The following DLC1 variants were observed in gnomAD, a reference collection of about 807,000 sequenced individuals.
DLC1 encodes rho GTPase-activating protein 7.
A neutral mutation model predicts 140.3 loss-of-function variants in DLC1; 54 were observed. The ratio of observed to expected loss-of-function variants is 0.38; its 90% CI spans 0.31 to 0.48. The LOEUF is 0.48. Ranked by LOEUF, DLC1 falls within the 20% of genes least tolerant of loss-of-function variation. The pLI is 0.96. For missense variants in DLC1, 2,536 were observed against 1,907.0 expected (o/e 1.33, Z -6.14); for synonymous variants, 986 against 728.1 (o/e 1.35, Z -5.70).
intron 4 of DLC1, among the ~76,000 whole-genome samples, chr8:13,370,901 C>T (rs1334670864): frequency 6.6e-6 from 1 of 152,160 alleles, no homozygotes; most frequent in Admixed American, 6.5e-5. Context: ...CACCACAACA[C>T]AGCCACACAG....
chr8:13,266,672 A>C (rs1212650), intron 5 of DLC1, among the ~76,000 whole-genome samples: 1 of 151,948 alleles, frequency 6.6e-6, no homozygotes, highest in Non-Finnish European at 1.5e-5. Flanking sequence ...TTGAATCTGG[A>C]AGGCAGAAGT....
chr8:13,192,843 A>G (rs539576453), intron 5 of DLC1, among the ~76,000 whole-genome samples: 5 of 152,314 alleles, frequency 3.3e-5, no homozygotes, highest in Admixed American at 3.3e-4. Flanking sequence ...CAAGCAAAGG[A>G]GAGAGGCCTC....
At chr8:13,182,421 C>T (rs1398212372) in intron 5 of DLC1, among the ~76,000 whole-genome samples, 1 of 152,042 alleles carries the variant, frequency 6.6e-6, no homozygotes, top group African/African-American at 2.4e-5. Flanking sequence ...ATGGTATTGC[C>T]TAGGTTTTCA....
At chr8:13,492,602 G>A (rs936300973) in intron 2 of DLC1, among the ~76,000 whole-genome samples, 1 of 151,492 alleles carries the variant, frequency 6.6e-6, no homozygotes, top group Admixed American at 6.6e-5. Flanking sequence ...AGCCCTGCTT[G>A]GAATCTCCAG....
chr8:13,159,419 A>G (rs558328698), intron 5 of DLC1, among the ~76,000 whole-genome samples: 1 of 152,308 alleles, frequency 6.6e-6, no homozygotes, highest in African/African-American at 2.4e-5. Context: ...AAGGATCGGG[A>G]GACAGCTGCG....
At chr8:13,191,803 T>TA (rs1437323605) in intron 5 of DLC1, among the ~76,000 whole-genome samples, 2 of 152,154 alleles carry the variant, frequency 1.3e-5, no homozygotes, top group Non-Finnish European at 2.9e-5. Context: ...TCTCAGTTTC[T>TA]TCATCTGTGA....
Position 13,100,026 on chromosome 8 carries a change from G to T in DLC1, c.2311C>A (p.Arg771=). The T allele has an allele frequency of 1.9e-6, 3 of 1,612,782 alleles. No homozygotes were observed. The highest frequency in any genetic ancestry group is 2.5e-6 in the Non-Finnish European group (3 of 1,180,038). Residue 771 remains arginine, a synonymous_variant, in exon 9 of 18, where the codon CGG becomes AGG. Coordinates refer to ENST00000276297, the MANE Select transcript of DLC1 (RefSeq NM_182643.3). ...RTRSLSACNK[R]VGMYLEGFDP... is the part of the protein sequence containing the mutation. ...AAGCCCTCTAAGTACATGCCCACCCGCTTGTTGCACGCACTGAGGCTCCGG... is the reference window on the plus strand; with the variant it reads ...AAGCCCTCTAAGTACATGCCCACCCTCTTGTTGCACGCACTGAGGCTCCGG...
chr8:13,416,136 A>C (rs1015140132), intron 2 of DLC1, among the ~76,000 whole-genome samples: 31 of 152,192 alleles, frequency 2.0e-4, no homozygotes, highest in African/African-American at 7.2e-4. Context: ...GCTGGCGTCT[A>C]GGGGTCCCAT....
intron 2 of DLC1, among the ~76,000 whole-genome samples, chr8:13,497,282 A>G (rs1222684285): frequency 6.6e-6 from 1 of 152,226 alleles, no homozygotes; most frequent in Non-Finnish European, 1.5e-5. Context: ...CCAATAATGC[A>G]TAAAACAAAA....
At chr8:13,242,982 T>G (rs1006764861) in intron 5 of DLC1, among the ~76,000 whole-genome samples, 3 of 150,930 alleles carry the variant, frequency 2.0e-5, no homozygotes, top group African/African-American at 7.3e-5. Flanking sequence ...GATTTCCCCC[T>G]TGTTGTTCTC....
intron 5 of DLC1, among the ~76,000 whole-genome samples, chr8:13,120,356 A>AAAAAAAAAAAATATAT: frequency 1.1e-4 from 7 of 61,132 alleles, no homozygotes; most frequent in African/African-American, 2.9e-4. Context: ...AAAAAAAAAA[A>AAAAAAAAAAAATATAT]ATATATATAT....
chr8:13,421,883 T>G (rs1350235031), intron 2 of DLC1, among the ~76,000 whole-genome samples: 1 of 152,142 alleles, frequency 6.6e-6, no homozygotes, highest in Non-Finnish European at 1.5e-5. Context: ...TTTTCTTTAT[T>G]TACATATGTA....
At chr8:13,113,650 C>T (rs1820301522) in intron 6 of DLC1, among the ~76,000 whole-genome samples, 1 of 152,208 alleles carries the variant, frequency 6.6e-6, no homozygotes, top group African/African-American at 2.4e-5. Context: ...ATGCAGTTGT[C>T]TTTCCTTATC....
chr8:13,330,197 C>A (rs1200346821), intron 4 of DLC1, among the ~76,000 whole-genome samples: 4 of 152,162 alleles, frequency 2.6e-5, no homozygotes, highest in Admixed American at 2.6e-4. Context: ...ACTGATCCCC[C>A]TTTCTCGGCC....
intron 4 of DLC1, among the ~76,000 whole-genome samples, chr8:13,360,303 A>G (rs923390066): frequency 3.9e-5 from 6 of 152,222 alleles, no homozygotes; most frequent in African/African-American, 1.4e-4. Flanking sequence ...ACATGGAGAA[A>G]TTTAATATCT....
chr8:13,343,055 T>C (rs1392369522), intron 4 of DLC1, among the ~76,000 whole-genome samples: 1 of 152,152 alleles, frequency 6.6e-6, no homozygotes, highest in Non-Finnish European at 1.5e-5. Flanking sequence ...ACCCTTTACT[T>C]ATTGAAAAGC....
At chr8:13,349,495 C>G (rs998616054) in intron 4 of DLC1, among the ~76,000 whole-genome samples, 7 of 152,188 alleles carry the variant, frequency 4.6e-5, no homozygotes, top group Non-Finnish European at 1.0e-4. Context: ...TTTCACAGAG[C>G]ATTTGAGAAA....
chr8:13,494,608 A>G (rs192239803), intron 2 of DLC1, among the ~76,000 whole-genome samples: 18 of 152,240 alleles, frequency 1.2e-4, no homozygotes, highest in Admixed American at 9.2e-4. Context: ...TGTCATTTGA[A>G]CCACTATTAT....
chr8:13,214,654 T>C (rs1484860056), intron 5 of DLC1: 2 of 778,840 alleles, frequency 2.6e-6, no homozygotes, highest in Non-Finnish European at 2.4e-6. Flanking sequence ...TCCAGCAACA[T>C]GGAAAAGCCT....
Sources: allele counts gnomAD v4.1 joint callset (sites outside exome capture counted in the v4.1 genomes callset), GRCh38; gene constraint gnomAD v4.1.1; transcripts MANE v1.5; gene names NCBI Gene and HGNC (gene_info 2026-07-23, HGNC 2026-07-21).